ATP6V1G3: variants seen among roughly 807,000 people sequenced by gnomAD.
The protein encoded by ATP6V1G3 is ATPase H+ transporting V1 subunit G3, also known as V-type proton ATPase subunit G 3.
Under a neutral mutation model 9.3 loss-of-function variants are expected in ATP6V1G3, and 9 were observed. That is an observed-to-expected ratio of 0.97 (90% confidence interval 0.59 to 1.69). The LOEUF (loss-of-function observed/expected upper bound fraction) is 1.69. Among genes scored for constraint, ATP6V1G3 ranks in the 40% most tolerant of loss-of-function variants. The pLI is 0.00. For missense variants in ATP6V1G3, 133 were observed against 139.0 expected (o/e 0.96, Z 0.22); for synonymous variants, 43 against 43.8 (o/e 0.98, Z 0.07).
At chr1:198,539,012 A>G (rs1443758512) in intron 1 of ATP6V1G3, among the ~76,000 whole-genome samples, 1 of 152,106 alleles carries the variant, frequency 6.6e-6, no homozygotes, top group Non-Finnish European at 1.5e-5. Flanking sequence ...ACTACTCTAC[A>G]TTCATATCAT....
chr1:198,537,017 C>T (rs1436046969), intron 1 of ATP6V1G3, among the ~76,000 whole-genome samples: 1 of 152,034 alleles, frequency 6.6e-6, no homozygotes, highest in Non-Finnish European at 1.5e-5. Flanking sequence ...CAACTCAAGC[C>T]AATGCTTTTA....
At chr1:198,539,683 T>C (rs1660267128) in intron 1 of ATP6V1G3, among the ~76,000 whole-genome samples, 1 of 152,254 alleles carries the variant, frequency 6.6e-6, no homozygotes, top group Non-Finnish European at 1.5e-5. Flanking sequence ...ATAATTTCTC[T>C]AAGCATCACT....
chr1:198,528,211 CT>C (rs768958807), intron 2 of ATP6V1G3, among the ~76,000 whole-genome samples: 18 of 151,890 alleles, frequency 1.2e-4, no homozygotes, highest in Non-Finnish European at 1.9e-4. Flanking sequence ...TAGAAAGGAC[CT>C]TTTTTATTTG....
intron 1 of ATP6V1G3, among the ~76,000 whole-genome samples, chr1:198,538,451 A>G (rs1660207926): frequency 6.6e-6 from 1 of 152,180 alleles, no homozygotes; most frequent in African/African-American, 2.4e-5. Flanking sequence ...AAAAGGAGAA[A>G]TAGTTGGTAA....
At chr1:198,537,523 A>G (rs72734002) in intron 1 of ATP6V1G3, among the ~76,000 whole-genome samples, 7,703 of 152,240 alleles carry the variant, frequency 0.051, 281 homozygotes, top group Middle Eastern at 0.071. Context: ...AGAAAGAGAA[A>G]ATGACCATAG....
chr1:198,539,257 TTTCTTATGTTGTAATATA>T (rs1660251740), intron 1 of ATP6V1G3, among the ~76,000 whole-genome samples: 1 of 152,248 alleles, frequency 6.6e-6, no homozygotes, highest in South Asian at 2.1e-4. Flanking sequence ...TCTGACTGAC[TTTCTTATGTTGTAATATA>T]TTCCTTCATT....
At chr1:198,529,963 AGCTG>A (rs1659830539) in intron 1 of ATP6V1G3, among the ~76,000 whole-genome samples, 2 of 152,164 alleles carry the variant, frequency 1.3e-5, no homozygotes, top group East Asian at 1.9e-4. Context: ...GGTAATCATT[AGCTG>A]AGCACATGAC....
chr1:198,535,296 T>G (rs1229075196), intron 1 of ATP6V1G3, among the ~76,000 whole-genome samples: 1 of 152,188 alleles, frequency 6.6e-6, no homozygotes, highest in Non-Finnish European at 1.5e-5. Context: ...TTTTATTTTA[T>G]TAGTTTATTA....
At chr1:198,525,373 A>G (rs777455774) in intron 2 of ATP6V1G3, among the ~76,000 whole-genome samples, 1 of 152,186 alleles carries the variant, frequency 6.6e-6, no homozygotes, top group Non-Finnish European at 1.5e-5. Flanking sequence ...GGGTTGGTTT[A>G]GTGTAACTGT....
upstream of ATP6V1G3, chr1:198,540,800 G>C: frequency 1.7e-5 from 13 of 778,670 alleles, no homozygotes; most frequent in South Asian, 2.1e-4. Flanking sequence ...GGGCTGGATA[G>C]CTGGGTCCCA....
chr1:198,523,798 G>A (rs1323298495), intron 2 of ATP6V1G3, among the ~76,000 whole-genome samples: 2 of 152,020 alleles, frequency 1.3e-5, no homozygotes, highest in Non-Finnish European at 2.9e-5. Flanking sequence ...ACCTCCACAT[G>A]GTACAAATTG....
At chr1:198,527,533 A>G (rs1431993129) in intron 2 of ATP6V1G3, among the ~76,000 whole-genome samples, 4 of 152,184 alleles carry the variant, frequency 2.6e-5, no homozygotes, top group Admixed American at 6.6e-5. Context: ...TATATCAGAA[A>G]TATCCTATAT....
At chr1:198,535,310 G>C (rs530977658) in intron 1 of ATP6V1G3, among the ~76,000 whole-genome samples, 1 of 152,162 alleles carries the variant, frequency 6.6e-6, no homozygotes, top group South Asian at 2.1e-4. Context: ...TTTATTAAAA[G>C]TCTTGTCTTT....
chr1:198,528,489 G>C lies in ATP6V1G3; in HGVS notation c.183+592C>G, dbSNP rs557429193. On this transcript the variant is annotated intron_variant, in intron 2 of 2. Coordinates refer to ENST00000367382, the MANE Select transcript of ATP6V1G3 (RefSeq NM_001376861.1). Reference sequence around the variant, plus strand: ...GGAAAGGAGGGTGTCCGCTCCAAAGGTTTCATGCATTTATAATTTACAGTA... The same window carrying C: ...GGAAAGGAGGGTGTCCGCTCCAAAGCTTTCATGCATTTATAATTTACAGTA... Among the ~76,000 whole-genome samples the C allele has an allele frequency of 4.6e-5, 7 of 152,092 alleles. No homozygotes were observed. The South Asian group carries it at 1.5e-3, about 32-fold the overall frequency.
intron 1 of ATP6V1G3, among the ~76,000 whole-genome samples, chr1:198,537,354 T>C (rs1660158328): frequency 6.6e-6 from 1 of 152,202 alleles, no homozygotes; most frequent in African/African-American, 2.4e-5. Context: ...TGTATTTTCC[T>C]GAAATGATTA....
chr1:198,539,987 G>A (rs1660280345), intron 1 of ATP6V1G3, among the ~76,000 whole-genome samples: 1 of 152,152 alleles, frequency 6.6e-6, no homozygotes, highest in Admixed American at 6.5e-5. Context: ...GGCAGGCTGA[G>A]GCAGCAGGAT....
At chr1:198,540,181 T>G (rs1486287821) in intron 1 of ATP6V1G3, among the ~76,000 whole-genome samples, 2 of 152,196 alleles carry the variant, frequency 1.3e-5, no homozygotes, top group African/African-American at 4.8e-5. Flanking sequence ...TATTCTGATT[T>G]TATGGAAATG....
rs553767232 is a variant in ATP6V1G3, at chr1:198,524,036, A to G, written c.184-472T>C. 3.3e-5 allele frequency among the ~76,000 whole-genome samples: 5 copies of G among 152,040 alleles called. No homozygotes were observed. In the South Asian group the frequency reaches 8.3e-4, roughly 25 times the overall value. ...GCTGGTTTTTAAAGAGTGTTTTTCT[A>G]TTTTTAAAATACATTATCTGAACTG... On this transcript the variant is annotated intron_variant, in intron 2 of 2. Transcript: ENST00000367382.
intron 1 of ATP6V1G3, among the ~76,000 whole-genome samples, chr1:198,538,891 C>CAAAA (rs71569596): frequency 2.1e-5 from 2 of 97,382 alleles, no homozygotes; most frequent in African/African-American, 4.4e-5. Context: ...GACCCTGTCT[C>CAAAA]AAAAAAAAAA....
Sources: allele counts gnomAD v4.1 joint callset (sites outside exome capture counted in the v4.1 genomes callset), GRCh38; gene constraint gnomAD v4.1.1; transcripts MANE v1.5; gene names NCBI Gene and HGNC (gene_info 2026-07-23, HGNC 2026-07-21).